Variants in BBS9 observed in about 807,000 individuals in gnomAD.
BBS9 encodes Bardet-Biedl syndrome 9.
In BBS9, 89 loss-of-function variants were observed where a neutral mutation model predicts 117.7. That is an observed-to-expected ratio of 0.76 (90% CI 0.64 to 0.90). BBS9 has a LOEUF of 0.90. Among genes scored for constraint, BBS9 ranks in the 40% least tolerant of loss-of-function variants. The pLI is 0.00. For synonymous variants in BBS9, 379 were observed against 370.9 expected (o/e 1.02, Z -0.25); for missense variants, 982 against 1,042.2 (o/e 0.94, Z 0.80).
At chr7:33,454,516 A>AT (rs2128922793) in intron 19 of BBS9, among the ~76,000 whole-genome samples, 1 of 152,328 alleles carries the variant, frequency 6.6e-6, no homozygotes, top group South Asian at 2.1e-4. Flanking sequence ...TCACTTGTCC[A>AT]TTTTGGAAAT....
chr7:33,524,550 G>T (rs1289606872), intron 20 of BBS9, among the ~76,000 whole-genome samples: 3 of 152,224 alleles, frequency 2.0e-5, no homozygotes, highest in Non-Finnish European at 4.4e-5. Flanking sequence ...GGTGTTTGCA[G>T]TATTCTCTGA....
intron 19 of BBS9, among the ~76,000 whole-genome samples, chr7:33,406,208 A>G (rs1046396238): frequency 1.3e-5 from 2 of 152,096 alleles, no homozygotes; most frequent in African/African-American, 4.8e-5. Context: ...TCTGAGAGAC[A>G]GTTTGTTATA....
intron 5 of BBS9, among the ~76,000 whole-genome samples, chr7:33,207,956 C>CCA (rs1787265816): frequency 1.3e-5 from 2 of 151,872 alleles, no homozygotes; most frequent in Non-Finnish European, 2.9e-5. Context: ...TATAGGTGTG[C>CCA]GCCACCATGC....
chr7:33,459,069 A>G (rs993373153), intron 19 of BBS9, among the ~76,000 whole-genome samples: 1 of 152,092 alleles, frequency 6.6e-6, no homozygotes, highest in Non-Finnish European at 1.5e-5. Flanking sequence ...ACAGTGTTAA[A>G]CCAGTTATTA....
At chr7:33,241,543 A>T (rs1794526054) in intron 5 of BBS9, among the ~76,000 whole-genome samples, 1 of 152,194 alleles carries the variant, frequency 6.6e-6, no homozygotes, top group Non-Finnish European at 1.5e-5. Context: ...TACCTGTGAA[A>T]ATCCAGTTAG....
At position 33,294,347 on chromosome 7, in the gene BBS9, ATCTATC is replaced by A. The variant is rs1198475575; in HGVS notation, c.1016+20395_1016+20400del. ...TATCTATCTATCTATCTATCTATCTATCTATCTCTTTGTCCATCCATCCATCCATCC... is the reference window on the plus strand; with the variant it reads ...TATCTATCTATCTATCTATCTATCTATCTTTGTCCATCCATCCATCCATCC... On this transcript the variant is annotated intron_variant, in intron 9 of 22. Transcript: ENST00000242067. Among the ~76,000 whole-genome samples, 8 of 119,968 alleles carry A rather than the reference ATCTATC, an allele frequency of 6.7e-5. No homozygotes were observed. The East Asian group carries it at 2.7e-3, about 41-fold the overall frequency. The allele number at this position is 119,968 out of a possible 152,430, so 78.7% of individuals were successfully genotyped here.
At chr7:33,492,055 T>G (rs1195326125) in intron 19 of BBS9, among the ~76,000 whole-genome samples, 1 of 151,610 alleles carries the variant, frequency 6.6e-6, no homozygotes, top group East Asian at 2.0e-4. Context: ...CAAAAAAAAT[T>G]AGCTGGGCGT....
intron 19 of BBS9, chr7:33,390,765 A>G (rs1826924674): frequency 3.4e-6 from 1 of 291,856 alleles, no homozygotes; most frequent in Admixed American, 6.5e-5. Flanking sequence ...TCTGCTCAGA[A>G]ATGTAATCAT....
chr7:33,200,680 A>T (rs967955976), intron 5 of BBS9, among the ~76,000 whole-genome samples: 17 of 152,154 alleles, frequency 1.1e-4, no homozygotes, highest in African/African-American at 4.1e-4. Context: ...CCTTCCTGTT[A>T]TCTAGAGACA....
intron 19 of BBS9, among the ~76,000 whole-genome samples, chr7:33,470,523 G>A (rs924789473): frequency 2.0e-5 from 3 of 151,598 alleles, no homozygotes; most frequent in African/African-American, 7.3e-5. Flanking sequence ...CCAATTTTCC[G>A]TGAAAATAGC....
At chr7:33,577,597 G>T (rs573553486) in intron 21 of BBS9, among the ~76,000 whole-genome samples, 1 of 152,112 alleles carries the variant, frequency 6.6e-6, no homozygotes, top group Non-Finnish European at 1.5e-5. Context: ...AAAGACACAC[G>T]CACACGTATG....
intron 21 of BBS9, among the ~76,000 whole-genome samples, chr7:33,541,855 G>GTT (rs1242851745): frequency 1.3e-5 from 2 of 152,150 alleles, no homozygotes; most frequent in Non-Finnish European, 2.9e-5. Flanking sequence ...TAAGAAAAAT[G>GTT]TTCTGAAATT....
At chr7:33,610,143 G>A (rs1212753832), downstream of BBS9, among the ~76,000 whole-genome samples, 2 of 152,126 alleles carry the variant, frequency 1.3e-5, no homozygotes, top group African/African-American at 4.8e-5. Context: ...TAACAGGAGA[G>A]AGTGAGCGAG....
At chr7:33,536,149 G>A (rs928402633) in intron 21 of BBS9, among the ~76,000 whole-genome samples, 14 of 152,122 alleles carry the variant, frequency 9.2e-5, no homozygotes, top group Admixed American at 6.5e-4. Flanking sequence ...AGTCCAGGGC[G>A]GGCCATCAGT....
At chr7:33,548,616 C>T (rs989644631) in intron 21 of BBS9, among the ~76,000 whole-genome samples, 12 of 150,490 alleles carry the variant, frequency 8.0e-5, no homozygotes, top group Admixed American at 2.0e-4. Flanking sequence ...TTTGTTCTTG[C>T]GATAGTTTAC....
At chr7:33,375,703 G>C (rs1193219522) in intron 17 of BBS9, among the ~76,000 whole-genome samples, 2 of 148,468 alleles carry the variant, frequency 1.3e-5, no homozygotes, top group Admixed American at 1.4e-4. Flanking sequence ...TGATTCTCTT[G>C]CCTCAGCCTC....
Position 33,536,187 on chromosome 7 carries a change from C to T in BBS9, c.2521+2011C>T, listed in dbSNP as rs777022485. 2.6e-5 allele frequency among the ~76,000 whole-genome samples: 4 copies of T among 152,200 alleles called. No homozygotes were observed. In the South Asian group the frequency reaches 6.2e-4, roughly 24 times the overall value. Reference sequence around the variant, plus strand: ...GATTTATGCCTGGCCTGGCTGAGTTCGTTCTGTTGGAGAGATTCAGGCTGT... The same window carrying T: ...GATTTATGCCTGGCCTGGCTGAGTTTGTTCTGTTGGAGAGATTCAGGCTGT... On this transcript the variant is annotated intron_variant, in intron 21 of 22. Transcript: ENST00000242067.
chr7:33,449,156 T>C (rs1837412222), intron 19 of BBS9, among the ~76,000 whole-genome samples: 1 of 152,186 alleles, frequency 6.6e-6, no homozygotes, highest in South Asian at 2.1e-4. Context: ...TGGGCATCAA[T>C]CGTGGTAGTT....
chr7:33,297,525 C>T (rs990548938), intron 9 of BBS9, among the ~76,000 whole-genome samples: 4 of 152,074 alleles, frequency 2.6e-5, no homozygotes, highest in African/African-American at 9.6e-5. Context: ...GTAATTCTGG[C>T]ATCATATACC....
Sources: allele counts gnomAD v4.1 joint callset (sites outside exome capture counted in the v4.1 genomes callset), GRCh38; gene constraint gnomAD v4.1.1; transcripts MANE v1.5; gene names NCBI Gene and HGNC (gene_info 2026-07-23, HGNC 2026-07-21).